The following ESRRG variants were observed in gnomAD, a reference collection of about 807,000 sequenced individuals.
ESRRG encodes estrogen related receptor gamma.
Under a neutral mutation model 44.0 loss-of-function variants are expected in ESRRG, and 13 were observed. The observed-to-expected ratio is 0.30, with a 90% CI of 0.19 to 0.47. The LOEUF is 0.47. ESRRG is among the 20% of genes least tolerant of loss of function. ESRRG has a pLI of 1.00. For missense variants in ESRRG, 395 were observed against 580.6 expected (o/e 0.68, Z 3.29); for synonymous variants, 215 against 214.6 (o/e 1.00, Z -0.02).
At chr1:216,516,565 C>T (rs1572076493) in intron 6 of ESRRG, among the ~76,000 whole-genome samples, 1 of 150,796 alleles carries the variant, frequency 6.6e-6, no homozygotes, top group African/African-American at 2.4e-5. Flanking sequence ...ACCTAAATTA[C>T]ACTGAAATAG....
At chr1:216,780,529 T>C (rs2093894280) in intron 2 of ESRRG, among the ~76,000 whole-genome samples, 2 of 152,070 alleles carry the variant, frequency 1.3e-5, no homozygotes, top group Admixed American at 1.3e-4. Flanking sequence ...ATACTGTGTG[T>C]ACATTATCTC....
upstream of ESRRG, among the ~76,000 whole-genome samples, chr1:217,090,080 G>C (rs957501023): frequency 1.3e-5 from 2 of 152,060 alleles, no homozygotes; most frequent in Non-Finnish European, 2.9e-5. Flanking sequence ...GCATTATTGC[G>C]TTTGCATAAT....
intron 1 of ESRRG, among the ~76,000 whole-genome samples, chr1:216,687,438 T>C (rs1214519725): frequency 6.6e-6 from 1 of 152,192 alleles, no homozygotes; most frequent in Admixed American, 6.5e-5. Flanking sequence ...CAACTGTTAG[T>C]TGCTCGCTCA....
In ESRRG at chr1:217,083,652, C is replaced by T. The variant is rs191675901; in HGVS notation, c.-106+5855G>A. On this transcript the variant is annotated intron_variant, in intron 1 of 7. Coordinates refer to the ESRRG transcript ENST00000359162. ...GTATGCACATTAGCTACAAAGAGCA[C>T]AGTTCTAACTTTGAAGGTGATTGGG... Among the ~76,000 whole-genome samples, 8 of 152,322 alleles carry T rather than the reference C, an allele frequency of 5.3e-5. No individual in the cohort carries two copies. In the East Asian group the frequency reaches 1.5e-3, roughly 29 times the overall value.
intron 1 of ESRRG, chr1:216,715,057 C>T (rs1320756556): frequency 1.1e-5 from 11 of 984,560 alleles, no homozygotes; most frequent in South Asian, 4.7e-5. Context: ...CAGAAAAAGG[C>T]GGCCACATGC....
chr1:216,847,171 C>T (rs1381130159), intron 2 of ESRRG, among the ~76,000 whole-genome samples: 1 of 151,980 alleles, frequency 6.6e-6, no homozygotes, highest in Non-Finnish European at 1.5e-5. Flanking sequence ...TCAAGGTCTG[C>T]CGTGCACAAT....
chr1:216,866,400 T>A (rs1164830271), intron 2 of ESRRG, among the ~76,000 whole-genome samples: 1 of 152,146 alleles, frequency 6.6e-6, no homozygotes, highest in African/African-American at 2.4e-5. Flanking sequence ...CTTATCAATA[T>A]TGAAATATAT....
chr1:216,785,527 A>C (rs2094096024), intron 2 of ESRRG, among the ~76,000 whole-genome samples: 1 of 152,056 alleles, frequency 6.6e-6, no homozygotes, highest in Non-Finnish European at 1.5e-5. Flanking sequence ...AATTTTGCTC[A>C]GAGTGGGAGG....
At chr1:216,917,199 T>A (rs898448735) in intron 2 of ESRRG, among the ~76,000 whole-genome samples, 22 of 151,018 alleles carry the variant, frequency 1.5e-4, no homozygotes, top group Non-Finnish European at 4.4e-5. Context: ...GCTTTCAAGA[T>A]TACAGAAGTG....
At chr1:216,828,409 G>T (rs2095432883) in intron 2 of ESRRG, among the ~76,000 whole-genome samples, 1 of 152,154 alleles carries the variant, frequency 6.6e-6, no homozygotes, top group Non-Finnish European at 1.5e-5. Context: ...CACAGAGATG[G>T]AAGGAGACCA....
chr1:216,676,410 T>TA (rs998155273), intron 2 of ESRRG, among the ~76,000 whole-genome samples: 24 of 152,150 alleles, frequency 1.6e-4, no homozygotes, highest in African/African-American at 4.3e-4. Flanking sequence ...AGGTTTTTTT[T>TA]AATATAAATT....
intron 1 of ESRRG, among the ~76,000 whole-genome samples, chr1:216,719,699 A>G (rs2085764742): frequency 1.3e-5 from 2 of 152,042 alleles, no homozygotes; most frequent in South Asian, 2.1e-4. Context: ...CAGAACAATG[A>G]TACCTTATTT....
chr1:217,055,516 C>T (rs2086899605), intron 1 of ESRRG, among the ~76,000 whole-genome samples: 1 of 152,136 alleles, frequency 6.6e-6, no homozygotes, highest in Admixed American at 6.5e-5. Context: ...TTCCACTTAA[C>T]ACCCTCCCCT....
chr1:217,024,416 G>C (rs907530774), intron 1 of ESRRG, among the ~76,000 whole-genome samples: 1 of 151,326 alleles, frequency 6.6e-6, no homozygotes, highest in Non-Finnish European at 1.5e-5. Context: ...TAGGTAGTTT[G>C]TCATGGCTGC....
At chr1:217,110,250 G>A (rs867873030) in intron 1 of ESRRG, among the ~76,000 whole-genome samples, 6 of 152,182 alleles carry the variant, frequency 3.9e-5, no homozygotes, top group African/African-American at 1.4e-4. Flanking sequence ...GTTAATCAGA[G>A]TGATATGAAA....
At chr1:216,738,681 A>G (rs1476979061) in intron 2 of ESRRG, among the ~76,000 whole-genome samples, 4 of 152,170 alleles carry the variant, frequency 2.6e-5, no homozygotes, top group Admixed American at 2.0e-4. Context: ...GTGAGACAGT[A>G]AAATAAATGC....
intron 2 of ESRRG, among the ~76,000 whole-genome samples, chr1:216,884,405 C>T (rs929334696): frequency 6.6e-5 from 10 of 152,332 alleles, no homozygotes; most frequent in Admixed American, 6.5e-4. Context: ...ATGTTCAAGG[C>T]ATTGTGCCAG....
chr1:216,562,251 G>A (rs531243832), intron 5 of ESRRG, among the ~76,000 whole-genome samples: 4 of 152,182 alleles, frequency 2.6e-5, no homozygotes, highest in Non-Finnish European at 4.4e-5. Flanking sequence ...AGCTTTTCAC[G>A]CTGTTGTTAA....
At chr1:216,937,179 A>G (rs1345627542) in intron 2 of ESRRG, among the ~76,000 whole-genome samples, 2 of 152,136 alleles carry the variant, frequency 1.3e-5, no homozygotes, top group Admixed American at 6.6e-5. Context: ...GCTAATTCTC[A>G]GTCATAAATA....
Sources: allele counts gnomAD v4.1 joint callset (sites outside exome capture counted in the v4.1 genomes callset), GRCh38; gene constraint gnomAD v4.1.1; transcripts MANE v1.5; gene names NCBI Gene and HGNC (gene_info 2026-07-23, HGNC 2026-07-21).